The following NAV3 variants were observed in gnomAD, a reference collection of about 807,000 sequenced individuals.
NAV3 encodes neuron navigator 3, also known as pore membrane and/or filament interacting like protein 1.
In NAV3, 87 loss-of-function variants were observed where a neutral mutation model predicts 244.7. That is an observed-to-expected ratio of 0.36 (90% CI 0.30 to 0.42). NAV3 has a LOEUF of 0.42. Ranked by LOEUF, NAV3 falls within the 20% of genes least tolerant of loss-of-function variation. The pLI, the probability that NAV3 is intolerant of heterozygous loss-of-function variation, is 1.00. For missense variants in NAV3, 2,663 were observed against 2,893.3 expected (o/e 0.92, Z 1.83); for synonymous variants, 1,126 against 1,042.2 (o/e 1.08, Z -1.55).
chr12:78,137,937 C>T (rs896322813), intron 19 of NAV3, among the ~76,000 whole-genome samples: 2 of 152,070 alleles, frequency 1.3e-5, no homozygotes, highest in African/African-American at 2.4e-5. Flanking sequence ...CCAAATAAAT[C>T]AGCTTGAAAA....
intron 5 of NAV3, among the ~76,000 whole-genome samples, chr12:77,979,232 A>G (rs1869083593): frequency 6.6e-6 from 1 of 151,178 alleles, no homozygotes. Flanking sequence ...TACAAAAAAA[A>G]AAAAAAAAAG....
chr12:77,573,715 G>T (rs1183270417), intron 2 of NAV3, among the ~76,000 whole-genome samples: 1 of 152,066 alleles, frequency 6.6e-6, no homozygotes, highest in African/African-American at 2.4e-5. Context: ...ATGGTAATTT[G>T]GGTACTATAT....
intron 2 of NAV3, among the ~76,000 whole-genome samples, chr12:77,712,024 G>T (rs1314745488): frequency 2.0e-5 from 3 of 152,140 alleles, no homozygotes; most frequent in Non-Finnish European, 4.4e-5. Flanking sequence ...TTAAGTCTGT[G>T]CATGTCTGTC....
chr12:77,683,501 T>C (rs1272354279), intron 2 of NAV3, among the ~76,000 whole-genome samples: 4 of 152,148 alleles, frequency 2.6e-5, no homozygotes, highest in Non-Finnish European at 5.9e-5. Context: ...TTCAGCTATT[T>C]GGGATCTTTT....
chr12:77,871,256 TA>T (rs1346911417), intron 1 of NAV3, among the ~76,000 whole-genome samples: 5 of 152,122 alleles, frequency 3.3e-5, no homozygotes, highest in Non-Finnish European at 7.4e-5. Flanking sequence ...AGAAAAAAAT[TA>T]GTAAAAGATT....
At chr12:77,707,822 G>C (rs923034309) in intron 2 of NAV3, among the ~76,000 whole-genome samples, 1 of 152,174 alleles carries the variant, frequency 6.6e-6, no homozygotes, top group Admixed American at 6.5e-5. Flanking sequence ...GTGAAGGTGA[G>C]CATTTTTTCA....
chr12:77,603,210 T>C (rs542202218), intron 2 of NAV3, among the ~76,000 whole-genome samples: 23 of 152,144 alleles, frequency 1.5e-4, no homozygotes, highest in African/African-American at 5.3e-4. Flanking sequence ...CAATTCATGC[T>C]CTTTGGTATG....
chr12:77,633,056 T>C (rs1054128973), intron 2 of NAV3, among the ~76,000 whole-genome samples: 1 of 152,118 alleles, frequency 6.6e-6, no homozygotes, highest in Non-Finnish European at 1.5e-5. Context: ...AATGTTTCTA[T>C]TAGAGTATAC....
intron 2 of NAV3, among the ~76,000 whole-genome samples, chr12:77,656,826 A>T (rs1036072410): frequency 6.6e-6 from 1 of 151,970 alleles, no homozygotes; most frequent in African/African-American, 2.4e-5. Flanking sequence ...GCTCAACTAC[A>T]TGGAAACTGA....
In NAV3 at chr12:77,831,417, T is replaced by G; in HGVS notation, c.-45T>G. On this transcript the variant is annotated 5_prime_UTR_variant, in exon 1 of 40. Transcript: ENST00000397909. ...AAGTTGGAGTCTACCAGACTGAGGT[T>G]AGAAGCATTTTCTTTGGCAGCAAGA... 3.9e-6 allele frequency: 6 copies of G among 1,546,448 alleles called. No individual in the cohort carries two copies. The South Asian group carries it at 7.7e-5, about 20-fold the overall frequency.
In NAV3 at chr12:78,122,245, G is replaced by A. The variant is rs1955704149; in HGVS notation, c.4055G>A (p.Ser1352Asn). 6.2e-7 allele frequency: 1 copy of A among 1,614,122 alleles called. No individual in the cohort carries two copies. Among genetic ancestry groups the A allele is most frequent in the African/African-American group, 1.3e-5 (1 of 75,040 alleles). The part of the protein sequence containing the change: ...GGLVWAANMS[S>N]SSAGSKDTPS... ...CTCGTGTGGGCTGCCAATATGAGCA[G>A]TTCCTCTGCAGGCAGCAAGGATACT... is the stretch of plus-strand genomic sequence containing the variant. Residue 1352 changes from serine to asparagine, a missense_variant, in exon 16 of 40, where the codon AGT (serine) becomes AAT (asparagine). Ser to Asn is a conservative substitution (Grantham distance 46, BLOSUM62 1). Transcript: ENST00000397909.
chr12:77,994,776 T>G, intron 5 of NAV3, 27 bp from the exon 6 acceptor site: 1 of 1,575,756 alleles, frequency 6.3e-7, no homozygotes, highest in Non-Finnish European at 8.6e-7. Flanking sequence ...TCTCTTTAAT[T>G]CAATTTCTCT....
intron 2 of NAV3, among the ~76,000 whole-genome samples, chr12:77,823,929 C>A (rs891412698): frequency 1.3e-5 from 2 of 151,872 alleles, no homozygotes; most frequent in East Asian, 1.9e-4. Flanking sequence ...GAAAAGACAC[C>A]CAAATGGAAC....
At position 78,177,806 on chromosome 12, in the gene NAV3, G is replaced by GT. The variant is rs1958306756; in HGVS notation, c.5363+127dup. 8.1e-6 allele frequency: 7 copies of GT among 861,274 alleles called. No homozygotes were observed. The South Asian group carries it at 1.1e-4, about 14-fold the overall frequency. 53.4% of individuals were successfully genotyped at this position (861,274 alleles called of 1,614,324 possible). ...TCAACAATAAATACCTTCTCTTTCTGTTTTTTCAACTAAAATTTGGTTTCC... is the reference window on the plus strand; with the variant it reads ...TCAACAATAAATACCTTCTCTTTCTGTTTTTTTCAACTAAAATTTGGTTTCC... On this transcript the variant is annotated intron_variant, in intron 28 of 39. Transcript: ENST00000397909.
Position 77,948,662 on chromosome 12 carries a change from G to A in NAV3, c.414+7529G>A, listed in dbSNP as rs896240757. Reference sequence around the variant, plus strand: ...AGTTGGTGTTTTTAAGGAACTTATTGCTCCTTCTTTTTCAATTGCCCCCCC... The same window carrying A: ...AGTTGGTGTTTTTAAGGAACTTATTACTCCTTCTTTTTCAATTGCCCCCCC... On this transcript the variant is annotated intron_variant, in intron 3 of 39. Transcript: ENST00000397909. Among the ~76,000 whole-genome samples the A allele has an allele frequency of 6.8e-5, 10 of 147,414 alleles. No homozygotes were observed. In the Admixed American group the frequency reaches 6.9e-4, roughly 10 times the overall value.
chr12:77,886,096 C>T (rs1440780952), intron 1 of NAV3, among the ~76,000 whole-genome samples: 1 of 152,086 alleles, frequency 6.6e-6, no homozygotes, highest in Admixed American at 6.6e-5. Context: ...TCAATCCAGG[C>T]TTACTGTCTC....
chr12:77,950,962 ACC>A (rs1388638982), intron 3 of NAV3: 1 of 152,172 alleles, frequency 6.6e-6, no homozygotes. Context: ...AACTGTAAAA[ACC>A]CTAGAAGAAA....
chr12:77,862,582 T>C (rs1879407286), intron 1 of NAV3, among the ~76,000 whole-genome samples: 1 of 151,828 alleles, frequency 6.6e-6, no homozygotes. Flanking sequence ...ATTAAGTTAA[T>C]AATCCTTTCT....
intron 2 of NAV3, among the ~76,000 whole-genome samples, chr12:77,785,489 G>A (rs545719585): frequency 5.7e-4 from 86 of 152,130 alleles, no homozygotes; most frequent in Non-Finnish European, 9.4e-4. Context: ...GGAGGAGGGA[G>A]GGGACAAAAG....
Sources: allele counts gnomAD v4.1 joint callset (sites outside exome capture counted in the v4.1 genomes callset), GRCh38; gene constraint gnomAD v4.1.1; transcripts MANE v1.5; gene names NCBI Gene and HGNC (gene_info 2026-07-23, HGNC 2026-07-21).